The following KATNIP variants were observed in gnomAD, a reference collection of about 807,000 sequenced individuals.
KATNIP encodes the protein katanin-interacting protein.
A neutral mutation model predicts 174.0 loss-of-function variants in KATNIP; 126 were observed. The observed-to-expected ratio is 0.72, with a 90% confidence interval of 0.63 to 0.84. The LOEUF (loss-of-function observed/expected upper bound fraction) is 0.84. KATNIP is among the 40% of genes least tolerant of loss of function. KATNIP has a pLI of 0.00. For missense variants in KATNIP, 1,958 were observed against 2,109.7 expected, an observed-to-expected ratio of 0.93 and a Z score of 1.41; for synonymous variants, 810 against 835.7, an observed-to-expected ratio of 0.97 and a Z score of 0.53.
chr16:27,617,771 G>T (rs2076082477), intron 2 of KATNIP, among the ~76,000 whole-genome samples: 1 of 152,162 alleles, frequency 6.6e-6, no homozygotes. Context: ...GAGACACTCT[G>T]TTGCCCAGGC....
At chr16:27,566,021 TG>T (rs2090075496) in intron 1 of KATNIP, among the ~76,000 whole-genome samples, 1 of 149,760 alleles carries the variant, frequency 6.7e-6, no homozygotes. Flanking sequence ...AACCAGCAGC[TG>T]TTTTTTTTTT....
At chr16:27,768,731 A>G (rs995705326) in intron 20 of KATNIP, among the ~76,000 whole-genome samples, 2 of 152,146 alleles carry the variant, frequency 1.3e-5, no homozygotes. Flanking sequence ...GTAGCACCAC[A>G]CTTCAGGTTT....
chr16:27,697,538 C>T (rs1428118929), intron 8 of KATNIP, among the ~76,000 whole-genome samples: 3 of 151,206 alleles, frequency 2.0e-5, no homozygotes, highest in African/African-American at 7.3e-5. Flanking sequence ...CACCAGTTAA[C>T]GTTTTACTCC....
At chr16:27,741,018 C>T (rs553412178) in intron 15 of KATNIP, 98 bp downstream of exon 15, 52 of 1,228,614 alleles carry the variant, frequency 4.2e-5, no homozygotes, top group Non-Finnish European at 5.4e-5. Context: ...TCCTTATCTG[C>T]ACAACAAGAT....
intron 13 of KATNIP, chr16:27,709,276 G>T: frequency 5.1e-6 from 1 of 195,904 alleles, no homozygotes. Flanking sequence ...AGCTGTGACT[G>T]TACCACTGTA....
chr16:27,685,440 G>T (rs2078488006), intron 8 of KATNIP: 1 of 152,008 alleles, frequency 6.6e-6, no homozygotes, highest in Non-Finnish European at 1.5e-5. Flanking sequence ...GAGAAAACAA[G>T]AGTAGAAAAA....
intron 3 of KATNIP, 55 bp downstream of exon 3, chr16:27,618,556 T>C: frequency 3.1e-6 from 4 of 1,296,558 alleles, no homozygotes; most frequent in Non-Finnish European, 4.5e-6. Context: ...AAAATCTATT[T>C]AGATTTATTA....
At chr16:27,689,184 G>A (rs923825507) in intron 8 of KATNIP, among the ~76,000 whole-genome samples, 10 of 152,194 alleles carry the variant, frequency 6.6e-5, no homozygotes, top group Non-Finnish European at 1.5e-4. Flanking sequence ...GGGAGGCCAA[G>A]GCAGGTGGAT....
rs116762429 is a variant in KATNIP at position 27,574,876 on chromosome 16, C to T, written c.63+920C>T. ...CCACTTTCTGTTCTTGAAAGCAGGT[C>T]ACAAGGTCCCAGATTCAAGGGGTGG... On this transcript the variant is annotated intron_variant, in intron 2 of 27. Coordinates refer to ENST00000261588, the MANE Select transcript of KATNIP (RefSeq NM_015202.5). 4.8e-3 allele frequency among the ~76,000 whole-genome samples: 738 copies of T among 152,272 alleles called. 8 individuals are homozygous for T. Among genetic ancestry groups the T allele is most frequent in the African/African-American group, 0.016 (679 of 41,562 alleles).
chr16:27,662,418 C>G (rs761171129), intron 6 of KATNIP, among the ~76,000 whole-genome samples: 1 of 152,084 alleles, frequency 6.6e-6, no homozygotes, highest in Non-Finnish European at 1.5e-5. Context: ...CCAGAAACAT[C>G]AAAGGCCCCC....
At position 27,582,699 on chromosome 16, in the gene KATNIP, C is replaced by T. The variant is rs1310389195; in HGVS notation, c.63+8743C>T. Among the ~76,000 whole-genome samples, 9 of 152,136 alleles carry T rather than the reference C, an allele frequency of 5.9e-5. No homozygotes were observed. In the East Asian group the frequency reaches 9.6e-4, roughly 16 times the overall value. On this transcript the variant is annotated intron_variant, in intron 2 of 27. Transcript: ENST00000261588. ...GCAAGTGACTTACCTTTTCGTGATT[C>T]GACTTCCCCCTCTATAAGATGGGGA...
At chr16:27,590,424 C>G (rs1022166797) in intron 2 of KATNIP, among the ~76,000 whole-genome samples, 1 of 151,810 alleles carries the variant, frequency 6.6e-6, no homozygotes, top group Admixed American at 6.6e-5. Context: ...CTTCCTGCCT[C>G]GGCCTCCCAA....
rs143101994 is a variant in KATNIP at position 27,713,677 on chromosome 16, T to TA, written c.1605+4758dup. Among the ~76,000 whole-genome samples, 104 of 11,590 alleles carry TA rather than the reference T, an allele frequency of 9.0e-3. 3 individuals carry two copies. The highest frequency in any genetic ancestry group is 0.03 in the Non-Finnish European group (78 of 2,632). 7.6% of individuals were successfully genotyped at this position (11,590 alleles called of 152,430 possible). ...TATATATATACACATACATATTATA[T>TA]ATATGTGTGTGTATATATATACACA... On this transcript the variant is annotated intron_variant, in intron 13 of 27. Coordinates refer to ENST00000261588, the MANE Select transcript of KATNIP (RefSeq NM_015202.5).
intron 1 of KATNIP, among the ~76,000 whole-genome samples, chr16:27,564,256 G>A (rs181384098): frequency 6.6e-6 from 1 of 152,282 alleles, no homozygotes; most frequent in East Asian, 1.9e-4. Context: ...GCACTGTTCT[G>A]AGAGTTTTAC....
At chr16:27,696,815 G>A (rs1243446606) in intron 8 of KATNIP, among the ~76,000 whole-genome samples, 3 of 149,412 alleles carry the variant, frequency 2.0e-5, no homozygotes, top group Non-Finnish European at 4.4e-5. Flanking sequence ...TACAACCTCT[G>A]CCTCCTGGGT....
chr16:27,771,362 C>A (rs2082293538), intron 21 of KATNIP, among the ~76,000 whole-genome samples: 1 of 152,116 alleles, frequency 6.6e-6, no homozygotes, highest in South Asian at 2.1e-4. Context: ...TCAGGAAAGC[C>A]CTGAGCCCCG....
intron 17 of KATNIP, among the ~76,000 whole-genome samples, chr16:27,753,543 G>A (rs977209683): frequency 9.2e-5 from 14 of 152,190 alleles, no homozygotes; most frequent in Non-Finnish European, 1.9e-4. Context: ...CAAGAAGGGT[G>A]TGGTGGCCCA....
intron 19 of KATNIP, among the ~76,000 whole-genome samples, chr16:27,764,964 C>G (rs576069928): frequency 6.6e-6 from 1 of 152,104 alleles, no homozygotes; most frequent in South Asian, 2.1e-4. Context: ...CTTGGGTAAA[C>G]ACTTCGATTA....
intron 2 of KATNIP, among the ~76,000 whole-genome samples, chr16:27,612,283 G>A (rs1314899815): frequency 6.6e-6 from 1 of 152,108 alleles, no homozygotes; most frequent in Non-Finnish European, 1.5e-5. Context: ...AAGAAACTAG[G>A]TGGCAACCTT....
Sources: gnomAD v4.1 joint callset for allele counts (sites outside exome capture counted in the v4.1 genomes callset) on GRCh38, gnomAD v4.1.1 for gene constraint, MANE v1.5 for transcripts, NCBI Gene and HGNC (gene_info 2026-07-23, HGNC 2026-07-21) for gene names.